CNTN5: variants seen among roughly 807,000 people sequenced by gnomAD.
CNTN5 encodes the protein contactin 5.
In CNTN5, 77 loss-of-function variants were observed where a neutral mutation model predicts 129.1. The observed-to-expected ratio is 0.60, with a 90% CI of 0.50 to 0.72. The LOEUF (loss-of-function observed/expected upper bound fraction) is 0.72, where lower values mean the gene tolerates loss of function less well. Ranked by LOEUF, CNTN5 falls within the 30% of genes least tolerant of loss-of-function variation. The pLI is 0.00. For missense variants in CNTN5, 1,478 were observed against 1,328.8 expected (o/e 1.11, Z -1.75); for synonymous variants, 509 against 465.6 (o/e 1.09, Z -1.20).
chr11:100,170,558 CT>C (rs1232484531), intron 13 of CNTN5, among the ~76,000 whole-genome samples: 5 of 152,002 alleles, frequency 3.3e-5, no homozygotes. Flanking sequence ...CAGTTATCCC[CT>C]ACCACAGAAA....
At chr11:99,587,994 A>G (rs1452852931) in intron 3 of CNTN5, among the ~76,000 whole-genome samples, 1 of 152,210 alleles carries the variant, frequency 6.6e-6, no homozygotes, top group South Asian at 2.1e-4. Context: ...ATATGTGGCC[A>G]GTGAGAAAGT....
intron 3 of CNTN5, among the ~76,000 whole-genome samples, chr11:99,572,310 G>A (rs777749217): frequency 5.3e-5 from 8 of 152,116 alleles, no homozygotes; most frequent in Non-Finnish European, 7.4e-5. Context: ...AAAAAAAATC[G>A]TATTATGTTT....
intron 7 of CNTN5, among the ~76,000 whole-genome samples, chr11:99,940,483 T>A (rs1950410718): frequency 6.6e-6 from 1 of 152,160 alleles, no homozygotes; most frequent in Non-Finnish European, 1.5e-5. Context: ...TAGTACCTAG[T>A]GTTCTCATAA....
At chr11:99,699,860 A>G (rs631362) in intron 3 of CNTN5, among the ~76,000 whole-genome samples, 132,306 of 151,338 alleles carry the variant, frequency 0.87, 57,972 homozygotes, top group Middle Eastern at 0.9. Context: ...ATAGGTCCCT[A>G]TTGCTAAGAC....
chr11:100,350,424 A>G (rs1175396264), intron 23 of CNTN5, among the ~76,000 whole-genome samples: 2 of 151,490 alleles, frequency 1.3e-5, no homozygotes, highest in African/African-American at 4.8e-5. Context: ...CCCTTTCTCA[A>G]ACTGGTCCAC....
intron 1 of CNTN5, among the ~76,000 whole-genome samples, chr11:99,177,595 G>A (rs1250369853): frequency 6.6e-6 from 1 of 152,190 alleles, no homozygotes; most frequent in African/African-American, 2.4e-5. Context: ...TTCATCGAAA[G>A]ATTTGGAACA....
chr11:99,623,860 C>T (rs1951039416), intron 3 of CNTN5, among the ~76,000 whole-genome samples: 1 of 151,822 alleles, frequency 6.6e-6, no homozygotes, highest in South Asian at 2.1e-4. Context: ...GGATAGCTAT[C>T]AAAACCTTTG....
intron 3 of CNTN5, among the ~76,000 whole-genome samples, chr11:99,717,146 T>C (rs971384661): frequency 6.6e-6 from 1 of 152,130 alleles, no homozygotes; most frequent in African/African-American, 2.4e-5. Context: ...GTTTTGCCAA[T>C]TATTTTTCTG....
chr11:100,127,122 T>A (rs1040817721), intron 13 of CNTN5, among the ~76,000 whole-genome samples: 1 of 102,338 alleles, frequency 9.8e-6, no homozygotes, highest in Non-Finnish European at 2.1e-5. Flanking sequence ...TTTTTTTTTT[T>A]AGAGATAGGG....
chr11:99,452,664 C>T lies in CNTN5; in HGVS notation c.-70-103481C>T, dbSNP rs184292015. On this transcript the variant is annotated intron_variant, in intron 2 of 24. Coordinates refer to ENST00000524871, the MANE Select transcript of CNTN5 (RefSeq NM_014361.4). ...CTGGGATTACAGGTGTGAGCCACCG[C>T]GCCTGGCCTAGGTTTTAAAATAATC... Among the ~76,000 whole-genome samples the T allele has an allele frequency of 1.1e-3, 165 of 152,160 alleles. 1 individual carries two copies. In the East Asian group the frequency reaches 0.022, roughly 20 times the overall value.
chr11:99,159,182 C>T (rs1395383805), intron 1 of CNTN5, among the ~76,000 whole-genome samples: 8 of 152,116 alleles, frequency 5.3e-5, no homozygotes, highest in African/African-American at 1.9e-4. Context: ...TAAGTTTTAA[C>T]AAATGTATAT....
intron 2 of CNTN5, among the ~76,000 whole-genome samples, chr11:99,409,001 C>A (rs1242052295): frequency 6.6e-6 from 1 of 152,014 alleles, no homozygotes; most frequent in African/African-American, 2.4e-5. Context: ...CAACAGTCAG[C>A]CTGTTTTGTG....
intron 2 of CNTN5, among the ~76,000 whole-genome samples, chr11:99,345,177 T>A (rs1018320367): frequency 9.2e-5 from 14 of 152,320 alleles, no homozygotes; most frequent in African/African-American, 3.4e-4. Flanking sequence ...TATGGAAGTA[T>A]TTCATATTTA....
chr11:99,889,914 T>G (rs1949013680), intron 6 of CNTN5, among the ~76,000 whole-genome samples: 1 of 152,186 alleles, frequency 6.6e-6, no homozygotes, highest in Admixed American at 6.5e-5. Context: ...TATCTAAAAA[T>G]TATTTTTAAA....
At chr11:99,794,872 C>G (rs143344332) in intron 3 of CNTN5, among the ~76,000 whole-genome samples, 2,210 of 152,036 alleles carry the variant, frequency 0.015, 141 homozygotes, top group Admixed American at 0.097. Context: ...TTTCATTGAA[C>G]TTTGGAGAAT....
chr11:99,658,888 C>CAAA lies in CNTN5; in HGVS notation c.55+102634_55+102636dup, dbSNP rs10673721. Among the ~76,000 whole-genome samples, 230 of 119,138 alleles carry CAAA rather than the reference C, an allele frequency of 1.9e-3. 5 individuals carry two copies. In the East Asian group the frequency reaches 0.027, roughly 14 times the overall value. 78.2% of individuals were successfully genotyped at this position (119,138 alleles called of 152,430 possible). ...GGGCAACAGGAGTGAAACTCTGTCT[C>CAAA]AAAAAAAAAAAAAAAAAGAAAAAGA... is the stretch of plus-strand genomic sequence containing the variant. On this transcript the variant is annotated intron_variant, in intron 3 of 24. Transcript: ENST00000524871.
chr11:99,697,295 TGGGGAGAGAGAAAAAGAG>T (rs1230940794), intron 3 of CNTN5, among the ~76,000 whole-genome samples: 2 of 151,014 alleles, frequency 1.3e-5, no homozygotes, highest in Non-Finnish European at 3.0e-5. Context: ...AGGATGGGGT[TGGGGAGAGAGAAAAAGAG>T]GGGGAGAGAG....
chr11:99,467,420 T>G (rs184566715), intron 2 of CNTN5, among the ~76,000 whole-genome samples: 85 of 152,316 alleles, frequency 5.6e-4, no homozygotes, highest in African/African-American at 2.0e-3. Context: ...TGGTGCTAGT[T>G]ACATGAGTAA....
At chr11:99,208,996 A>G (rs1410315394) in intron 1 of CNTN5, among the ~76,000 whole-genome samples, 1 of 152,172 alleles carries the variant, frequency 6.6e-6, no homozygotes, top group Non-Finnish European at 1.5e-5. Flanking sequence ...ATATGTCATT[A>G]AAATATATTT....
Sources: allele counts gnomAD v4.1 joint callset (sites outside exome capture counted in the v4.1 genomes callset), GRCh38; gene constraint gnomAD v4.1.1; transcripts MANE v1.5; gene names NCBI Gene and HGNC (gene_info 2026-07-23, HGNC 2026-07-21).